The following SMPD3 variants were observed in gnomAD, a reference collection of about 807,000 sequenced individuals.
SMPD3 encodes the protein sphingomyelin phosphodiesterase 3.
In SMPD3, 21 loss-of-function variants were observed where a neutral mutation model predicts 55.7. That is an observed-to-expected ratio of 0.38 (90% confidence interval 0.27 to 0.54). The LOEUF is 0.54. SMPD3 is among the 20% of genes least tolerant of loss of function. The probability of loss-of-function intolerance (pLI) is 0.80; values close to 1 mark genes in which losing one functional copy is unlikely to be tolerated. For missense variants in SMPD3, 842 were observed against 899.6 expected, an observed-to-expected ratio of 0.94 and a Z score of 0.82; for synonymous variants, 457 against 404.3, an observed-to-expected ratio of 1.13 and a Z score of -1.56.
chr16:68,413,561 T>C (rs1192655372), intron 1 of SMPD3, among the ~76,000 whole-genome samples: 1 of 152,080 alleles, frequency 6.6e-6, no homozygotes, highest in Non-Finnish European at 1.5e-5. Flanking sequence ...TAGTGGAAAA[T>C]CATTGAGGTT....
At chr16:68,388,216 G>A (rs1397265274) in intron 1 of SMPD3, among the ~76,000 whole-genome samples, 2 of 152,160 alleles carry the variant, frequency 1.3e-5, no homozygotes, top group African/African-American at 2.4e-5. Flanking sequence ...ATGTTCATGT[G>A]GACACCCTGG....
chr16:68,361,978 C>T (rs767725673), intron 7 of SMPD3, among the ~76,000 whole-genome samples: 4 of 152,162 alleles, frequency 2.6e-5, no homozygotes, highest in African/African-American at 9.7e-5. Context: ...CTCCGGAGCC[C>T]GTCGAAGTGT....
In SMPD3 at chr16:68,408,382, C is replaced by G. The variant is rs546205804; in HGVS notation, c.-268-21723G>C. Among the ~76,000 whole-genome samples, 10 of 152,174 alleles carry G rather than the reference C, an allele frequency of 6.6e-5. No individual in the cohort carries two copies. In the South Asian group the frequency reaches 1.7e-3, roughly 25 times the overall value. On this transcript the variant is annotated intron_variant, in intron 1 of 8. Transcript: ENST00000219334. Reference sequence around the variant, plus strand: ...CTTTGAGCTATGAGGAATATTCTGCCCATATGGGTATTTAATTATTTGTGA... The same window carrying G: ...CTTTGAGCTATGAGGAATATTCTGCGCATATGGGTATTTAATTATTTGTGA...
chr16:68,424,831 T>C (rs1349977839), intron 1 of SMPD3, among the ~76,000 whole-genome samples: 5 of 152,152 alleles, frequency 3.3e-5, no homozygotes, highest in African/African-American at 1.2e-4. Flanking sequence ...CCACCTTAGC[T>C]TCCTGAGTAG....
chr16:68,373,511 G>A (rs1295316484), intron 2 of SMPD3, among the ~76,000 whole-genome samples: 1 of 152,134 alleles, frequency 6.6e-6, no homozygotes, highest in Non-Finnish European at 1.5e-5. Context: ...TCCTGCCCTG[G>A]CACTTTGGGG....
At chr16:68,430,337 C>A (rs2090469512) in intron 1 of SMPD3, among the ~76,000 whole-genome samples, 1 of 152,204 alleles carries the variant, frequency 6.6e-6, no homozygotes, top group Admixed American at 6.5e-5. Flanking sequence ...ATGCTTCCTA[C>A]CTCCTCCCCA....
intron 1 of SMPD3, among the ~76,000 whole-genome samples, 187 bp from the exon 2 acceptor site, chr16:68,386,846 G>A (rs1295248593): frequency 6.6e-6 from 1 of 152,240 alleles, no homozygotes; most frequent in African/African-American, 2.4e-5. Context: ...TCCAGTGGAC[G>A]AAGTGCAGTC....
chr16:68,445,524 G>A (rs1315567547), intron 1 of SMPD3, among the ~76,000 whole-genome samples: 1 of 152,188 alleles, frequency 6.6e-6, no homozygotes, highest in Non-Finnish European at 1.5e-5. Context: ...GAAGGTAGGA[G>A]GGAGCCCCCC....
At position 68,363,827 on chromosome 16, in the gene SMPD3, T is replaced by G; in HGVS notation, c.1595A>C (p.Tyr532Ser). The change falls in exon 6 of 9, where the codon TAC becomes TCC. Residue 532 changes from tyrosine to serine, a missense_variant. Physicochemically the swap from Tyr to Ser is moderately radical, Grantham distance 144 (BLOSUM62 -2). Transcript: ENST00000219334. The part of the protein sequence containing the change: ...LEQQHSLFTH[Y>S]RDPCRLGPGE... ...AGGCCCCAGGCGGCAGGGGTCCCTGTAGTGGGTGAACAGGGAGTGTTGCTG... is the reference window on the plus strand; with the variant it reads ...AGGCCCCAGGCGGCAGGGGTCCCTGGAGTGGGTGAACAGGGAGTGTTGCTG... 1 of 1,571,476 alleles carries G rather than the reference T, an allele frequency of 6.4e-7. No individual in the cohort carries two copies. The highest frequency in any genetic ancestry group is 8.6e-7 in the Non-Finnish European group (1 of 1,158,168).
At chr16:68,443,059 T>G (rs1013278826) in intron 1 of SMPD3, among the ~76,000 whole-genome samples, 2 of 152,178 alleles carry the variant, frequency 1.3e-5, no homozygotes, top group Admixed American at 1.3e-4. Context: ...AGAAAAAACA[T>G]AAGTTCATTC....
At chr16:68,382,354 C>A (rs1262195353) in intron 2 of SMPD3, among the ~76,000 whole-genome samples, 1 of 152,204 alleles carries the variant, frequency 6.6e-6, no homozygotes, top group Non-Finnish European at 1.5e-5. Context: ...GTGTGGCTAG[C>A]TGACAGTGCA....
At chr16:68,377,432 C>T (rs1390158498) in intron 2 of SMPD3, among the ~76,000 whole-genome samples, 2 of 152,208 alleles carry the variant, frequency 1.3e-5, no homozygotes, top group Non-Finnish European at 2.9e-5. Context: ...TGCGGCTGCT[C>T]CTGCGAGTGA....
At chr16:68,397,880 G>A (rs560724434) in intron 1 of SMPD3, among the ~76,000 whole-genome samples, 2 of 152,318 alleles carry the variant, frequency 1.3e-5, no homozygotes, top group South Asian at 4.1e-4. Flanking sequence ...CCCCAGAGGT[G>A]GCCTCTAGAG....
chr16:68,384,643 G>T (rs1363453219), intron 2 of SMPD3, among the ~76,000 whole-genome samples: 9 of 152,134 alleles, frequency 5.9e-5, no homozygotes, highest in Non-Finnish European at 1.3e-4. Context: ...CCCTGGGGTT[G>T]GGGGGTAAGG....
chr16:68,424,743 C>G (rs1194309135), intron 1 of SMPD3, among the ~76,000 whole-genome samples: 1 of 152,198 alleles, frequency 6.6e-6, no homozygotes, highest in African/African-American at 2.4e-5. Context: ...TGGGGTCTCA[C>G]TCTGTGACCC....
At chr16:68,364,550 T>C in intron 5 of SMPD3, 1 of 626,688 alleles carries the variant, frequency 1.6e-6, no homozygotes, top group Non-Finnish European at 2.6e-6. Flanking sequence ...CATCTCTGTC[T>C]CCAGCTTTCT....
intron 1 of SMPD3, among the ~76,000 whole-genome samples, chr16:68,400,509 A>G (rs972075544): frequency 6.6e-6 from 1 of 152,242 alleles, no homozygotes; most frequent in Non-Finnish European, 1.5e-5. Context: ...AAGCTGGCCC[A>G]TGGGTTAGAC....
At chr16:68,421,314 C>A (rs748708364) in intron 1 of SMPD3, among the ~76,000 whole-genome samples, 9 of 152,212 alleles carry the variant, frequency 5.9e-5, no homozygotes, top group Admixed American at 1.3e-4. Flanking sequence ...CTGTCTGGCG[C>A]TTGTGGGGAA....
At chr16:68,387,864 T>C (rs1303883661) in intron 1 of SMPD3, among the ~76,000 whole-genome samples, 3 of 152,246 alleles carry the variant, frequency 2.0e-5, no homozygotes, top group Admixed American at 2.0e-4. Context: ...GTCCATTCTC[T>C]GTCCCCTAAC....
Sources: gnomAD v4.1 joint callset for allele counts (sites outside exome capture counted in the v4.1 genomes callset) on GRCh38, gnomAD v4.1.1 for gene constraint, MANE v1.5 for transcripts, NCBI Gene and HGNC (gene_info 2026-07-23, HGNC 2026-07-21) for gene names.